PIWIL1: variants seen among roughly 807,000 people sequenced by gnomAD.
PIWIL1 encodes piwi-like protein 1.
In PIWIL1, 73 loss-of-function variants were observed where a neutral mutation model predicts 114.4. The observed-to-expected ratio is 0.64, with a 90% CI of 0.53 to 0.78. The LOEUF is 0.78. Among genes scored for constraint, PIWIL1 ranks in the 30% least tolerant of loss-of-function variants. PIWIL1 has a pLI of 0.00. For missense variants in PIWIL1, 723 were observed against 1,063.1 expected (o/e 0.68, Z 4.45); for synonymous variants, 375 against 369.0 (o/e 1.02, Z -0.19).
At chr12:130,383,729 G>A in the PIWIL1 span, 1 of 152,160 alleles carries the variant, frequency 6.6e-6, no homozygotes, top group Non-Finnish European at 1.5e-5. Flanking sequence ...CAAATTTTAC[G>A]TAATTTTTGT....
the PIWIL1 span, among the ~76,000 whole-genome samples, chr12:130,409,289 C>A: frequency 4.9e-3 from 745 of 151,322 alleles, 5 homozygotes; most frequent in African/African-American, 0.017. Flanking sequence ...CAGACCTTGA[C>A]CCTTTCCAGA....
Position 130,361,196 on chromosome 12 carries a change from C to A in PIWIL1, c.1682C>A (p.Ser561Ter), listed in dbSNP as rs770556774. 6.2e-7 allele frequency: 1 copy of A among 1,614,120 alleles called. No individual in the cohort carries two copies. The highest frequency in any genetic ancestry group is 8.5e-7 in the Non-Finnish European group (1 of 1,180,014). The stretch of plus-strand genomic sequence containing the variant: ...TGTTTTCAGGTTGTCTGTCTGTTGT[C>A]AAGTAATCGGAAGGACAAATACGAT... ...ADTQIVVCLLSSNRKDKYDAI... is the reference protein window; with the variant it reads ...ADTQIVVCLL Residue 561 changes from serine to a stop codon, truncating the protein, a stop_gained, in exon 15 of 21, where the codon TCA becomes TAA. Coordinates refer to ENST00000245255, the MANE Select transcript of PIWIL1 (RefSeq NM_004764.5). LOFTEE classifies it high-confidence loss of function.
chr12:130,378,181 C>T, the PIWIL1 span, among the ~76,000 whole-genome samples: 13 of 152,272 alleles, frequency 8.5e-5, no homozygotes, highest in Admixed American at 4.6e-4. Flanking sequence ...TCCTCCCCAC[C>T]GGGACCAGAT....
chr12:130,354,989 A>C lies in PIWIL1; in HGVS notation c.1273A>C (p.Ile425Leu), dbSNP rs1354975357. 6.3e-7 allele frequency: 1 copy of C among 1,599,108 alleles called. No individual in the cohort carries two copies. Among genetic ancestry groups the C allele is most frequent in the East Asian group, 2.2e-5 (1 of 44,806 alleles). The part of the protein sequence containing the change: ...EQRQREVGRL[I>L]DYIHKNDNVQ... ...AAGGCAGCGTGAAGTGGGACGACTC[A>C]TTGATTACATTCATAAGTAAGTCAT... is the stretch of plus-strand genomic sequence containing the variant. Residue 425 changes from isoleucine to leucine, a missense_variant, in exon 11 of 21, where the codon ATT (isoleucine) becomes CTT (leucine). Coordinates refer to ENST00000245255, the MANE Select transcript of PIWIL1 (RefSeq NM_004764.5).
the PIWIL1 span, among the ~76,000 whole-genome samples, chr12:130,419,016 G>A: frequency 2.6e-5 from 4 of 152,316 alleles, no homozygotes; most frequent in East Asian, 3.9e-4. This position sits in a 1 kb window ranked among gnomAD's most constrained non-coding sequence, Gnocchi z 4.3. Flanking sequence ...GGAGTTGAAC[G>A]TATGTGAATA....
chr12:130,359,434 C>T (rs867663941), intron 14 of PIWIL1, among the ~76,000 whole-genome samples: 1 of 152,204 alleles, frequency 6.6e-6, no homozygotes. Context: ...GCACTCTACA[C>T]CCCCATGCCC....
intron 3 of PIWIL1, among the ~76,000 whole-genome samples, chr12:130,344,272 T>G (rs1200107657): frequency 2.0e-5 from 3 of 152,180 alleles, no homozygotes; most frequent in Non-Finnish European, 4.4e-5. Context: ...TATGCGTGAT[T>G]TAGTGTAGTT....
chr12:130,417,617 G>A, the PIWIL1 span, among the ~76,000 whole-genome samples: 15 of 152,190 alleles, frequency 9.9e-5, no homozygotes, highest in African/African-American at 1.9e-4. Context: ...AACTCCTGAC[G>A]GGGCGCTATG....
At chr12:130,383,398 C>G in the PIWIL1 span, 1 of 152,276 alleles carries the variant, frequency 6.6e-6, no homozygotes, top group African/African-American at 2.4e-5. Context: ...CCAGAGCCCC[C>G]ACTTGGATTT....
chr12:130,344,901 TTA>T (rs1210065781), intron 3 of PIWIL1, among the ~76,000 whole-genome samples: 1 of 152,216 alleles, frequency 6.6e-6, no homozygotes, highest in Non-Finnish European at 1.5e-5. Flanking sequence ...TTTTAGTCTA[TTA>T]AGTATATTAC....
In PIWIL1 at chr12:130,345,886, A is replaced by G. The variant is rs750291071; in HGVS notation, c.316+8A>G. ...TTAAAGAATCAAAAACAGGTAGGTTAATTAAGAATAAGTTTTGTGAGATTA... is the reference window on the plus strand; with the variant it reads ...TTAAAGAATCAAAAACAGGTAGGTTGATTAAGAATAAGTTTTGTGAGATTA... On this transcript the variant is annotated splice_region_variant and intron_variant, in intron 4 of 20. Coordinates refer to ENST00000245255, the MANE Select transcript of PIWIL1 (RefSeq NM_004764.5). The G allele has an allele frequency of 1.2e-6, 2 of 1,612,876 alleles. No homozygotes were observed. Among genetic ancestry groups the G allele is most frequent in the South Asian group, 1.1e-5 (1 of 90,636 alleles).
chr12:130,357,013 T>C lies in PIWIL1; in HGVS notation c.1500T>C (p.Tyr500=). 1.2e-6 allele frequency: 2 copies of C among 1,613,908 alleles called. No individual in the cohort carries two copies. Among genetic ancestry groups the C allele is most frequent in the East Asian group, 2.2e-5 (1 of 44,868 alleles). Residue 500 remains tyrosine (Y), a synonymous_variant, in exon 13 of 21, where the codon TAT becomes TAC. Transcript: ENST00000245255. The part of the protein sequence containing the change: ...VKPLDNWLLI[Y]TRRNYEAANS... ...CACTAGATAACTGGCTGTTGATCTATACGCGAAGAAATTATGAAGCAGCCA... is the reference window on the plus strand; with the variant it reads ...CACTAGATAACTGGCTGTTGATCTACACGCGAAGAAATTATGAAGCAGCCA...
chr12:130,380,580 C>T, the PIWIL1 span, among the ~76,000 whole-genome samples: 1 of 152,206 alleles, frequency 6.6e-6, no homozygotes, highest in Non-Finnish European at 1.5e-5. Flanking sequence ...GATGATTTTA[C>T]ATTTAAGGAT....
chr12:130,421,018 C>T, the PIWIL1 span: 1 of 152,188 alleles, frequency 6.6e-6, no homozygotes, highest in Non-Finnish European at 1.5e-5. Flanking sequence ...AATGAAGACT[C>T]GAAATCTCAC....
At chr12:130,388,584 A>G in the PIWIL1 span, among the ~76,000 whole-genome samples, 1 of 152,220 alleles carries the variant, frequency 6.6e-6, no homozygotes, top group Non-Finnish European at 1.5e-5. Context: ...ACCATCCTCC[A>G]AATGGCTTAT....
At chr12:130,417,319 C>T in the PIWIL1 span, among the ~76,000 whole-genome samples, 1 of 152,178 alleles carries the variant, frequency 6.6e-6, no homozygotes, top group African/African-American at 2.4e-5. Context: ...TTCACAATAG[C>T]AGGGACATGG....
chr12:130,407,669 C>G, the PIWIL1 span: 1 of 1,373,108 alleles, frequency 7.3e-7, no homozygotes, highest in Non-Finnish European at 1.0e-6. Flanking sequence ...TGGTGTACCA[C>G]GAGGGAAGGG....
At chr12:130,408,310 T>TAAGGCACTGTCCTC in the PIWIL1 span, among the ~76,000 whole-genome samples, 1 of 152,232 alleles carries the variant, frequency 6.6e-6, no homozygotes, top group Admixed American at 6.5e-5. Flanking sequence ...TAGGCAAAAC[T>TAAGGCACTGTCCTC]AAGGCACTGT....
At chr12:130,351,129 G>A (rs1565945023) in intron 9 of PIWIL1, 2 of 152,236 alleles carry the variant, frequency 1.3e-5, no homozygotes, top group Middle Eastern at 3.4e-3. Context: ...TTTTTCTGTC[G>A]TTAATTTTAG....
Sources: allele counts gnomAD v4.1 joint callset (sites outside exome capture counted in the v4.1 genomes callset), GRCh38; gene constraint gnomAD v4.1.1; non-coding constraint Gnocchi (gnomAD v3.1); transcripts MANE v1.5; gene names NCBI Gene and HGNC (gene_info 2026-07-23, HGNC 2026-07-21).